Variants in DNAH7 observed in about 807,000 individuals in gnomAD.
DNAH7 encodes the protein axonemal beta dynein heavy chain 7.
In DNAH7, 397 loss-of-function variants were observed where a neutral mutation model predicts 444.6. The ratio of observed to expected loss-of-function variants is 0.89; its 90% CI spans 0.82 to 0.97. The LOEUF (loss-of-function observed/expected upper bound fraction) is 0.97. Among genes scored for constraint, DNAH7 ranks in the 50% least tolerant of loss-of-function variants. DNAH7 has a pLI of 0.00. For missense variants in DNAH7, 4,902 were observed against 4,800.8 expected (o/e 1.02, Z -0.62); for synonymous variants, 1,636 against 1,624.4 (o/e 1.01, Z -0.17).
intron 36 of DNAH7, 56 bp from the exon 37 acceptor site, chr2:195,876,755 G>A (rs748094918): frequency 6.5e-6 from 8 of 1,223,028 alleles, no homozygotes; most frequent in South Asian, 1.3e-5. Context: ...TGACATTTCA[G>A]AATAAACACT....
chr2:195,755,982 T>C, intron 62 of DNAH7, 151 bp downstream of exon 62: 1 of 731,878 alleles, frequency 1.4e-6, no homozygotes, highest in Non-Finnish European at 2.1e-6. Flanking sequence ...GTGTAGCAGT[T>C]ACATACATTA....
chr2:195,852,245 G>A (rs1266594480), intron 46 of DNAH7, among the ~76,000 whole-genome samples: 1 of 151,832 alleles, frequency 6.6e-6, no homozygotes, highest in Admixed American at 6.6e-5. Flanking sequence ...GCGACAGAGG[G>A]AGGCTCCTTC....
At chr2:195,802,298 G>A (rs1574462606) in intron 54 of DNAH7, among the ~76,000 whole-genome samples, 1 of 152,136 alleles carries the variant, frequency 6.6e-6, no homozygotes, top group Non-Finnish European at 1.5e-5. Flanking sequence ...ATCACCTGAG[G>A]GCAGGAGTTC....
At chr2:195,826,413 CA>C (rs1338751533) in intron 48 of DNAH7, among the ~76,000 whole-genome samples, 1 of 152,062 alleles carries the variant, frequency 6.6e-6, no homozygotes, top group Non-Finnish European at 1.5e-5. Flanking sequence ...GACAGGCAAT[CA>C]AAATAAATCA....
At position 196,024,442 on chromosome 2, in the gene DNAH7, C is replaced by A. The variant is rs762248628; in HGVS notation, c.730G>T (p.Ala244Ser). ...GDDKKTDELP[A>S]HRAEMEILPK... Reference sequence around the variant, plus strand: ...CTGATCACTTACTCAGCACGATGGGCTGGAAGTTCATCTGTCTTCTTATCA... The same window carrying A: ...CTGATCACTTACTCAGCACGATGGGATGGAAGTTCATCTGTCTTCTTATCA... Residue 244 changes from alanine to serine, a missense_variant, in exon 8 of 65, where the codon GCC (alanine) becomes TCC (serine). Ala to Ser is a moderately conservative substitution (Grantham distance 99). Transcript: ENST00000312428. 1 of 1,585,156 alleles carries A rather than the reference C, an allele frequency of 6.3e-7. No homozygotes were observed. The highest frequency in any genetic ancestry group is 2.3e-5 in the East Asian group (1 of 43,486).
intron 18 of DNAH7, among the ~76,000 whole-genome samples, chr2:195,959,158 G>A (rs1235429094): frequency 1.3e-5 from 2 of 152,068 alleles, no homozygotes; most frequent in East Asian, 3.8e-4. Context: ...CATTTAAGTG[G>A]TGCTCTGTGA....
intron 5 of DNAH7, among the ~76,000 whole-genome samples, chr2:196,044,208 T>A (rs1173895997): frequency 3.3e-5 from 5 of 150,640 alleles, no homozygotes; most frequent in Admixed American, 6.6e-5. Context: ...TATATATGTG[T>A]GTGTGTGTGT....
intron 45 of DNAH7, among the ~76,000 whole-genome samples, chr2:195,855,445 TA>T (rs1488143106): frequency 4.6e-5 from 7 of 152,150 alleles, no homozygotes. Context: ...GAAAAATGAT[TA>T]AATAATCTAG....
chr2:195,864,123 T>G, intron 41 of DNAH7, 26 bp downstream of exon 41: 1 of 1,593,690 alleles, frequency 6.3e-7, no homozygotes, highest in Non-Finnish European at 8.6e-7. Context: ...TTTCTAGAAG[T>G]CTATCTAAAA....
chr2:195,751,032 CTTATA>C (rs1252116705), intron 63 of DNAH7, among the ~76,000 whole-genome samples: 2 of 151,968 alleles, frequency 1.3e-5, no homozygotes, highest in East Asian at 3.9e-4. Flanking sequence ...TTTGTTAAAG[CTTATA>C]TTATTAAGGA....
intron 24 of DNAH7, among the ~76,000 whole-genome samples, chr2:195,917,090 A>G (rs1487951539): frequency 1.5e-5 from 2 of 134,762 alleles, no homozygotes; most frequent in African/African-American, 3.0e-5. Flanking sequence ...CAACAGAGTG[A>G]GACTCCACCT....
intron 40 of DNAH7, among the ~76,000 whole-genome samples, chr2:195,871,787 C>T (rs1420348659): frequency 2.3e-5 from 2 of 85,466 alleles, no homozygotes; most frequent in African/African-American, 1.4e-4. Flanking sequence ...AAAAATTAGC[C>T]GGGCGTAGTG....
intron 29 of DNAH7, among the ~76,000 whole-genome samples, chr2:195,896,142 A>G (rs1702302321): frequency 6.6e-6 from 1 of 152,210 alleles, no homozygotes; most frequent in Admixed American, 6.5e-5. Context: ...ACTGTTTTCT[A>G]AAGTGGTTGT....
intron 51 of DNAH7, among the ~76,000 whole-genome samples, chr2:195,812,409 A>C (rs1055112149): frequency 1.3e-5 from 2 of 152,140 alleles, no homozygotes; most frequent in African/African-American, 4.8e-5. Flanking sequence ...ATACATGCAT[A>C]TTTGTACAGC....
At chr2:195,878,693 C>G (rs763863447) in intron 36 of DNAH7, among the ~76,000 whole-genome samples, 1 of 152,160 alleles carries the variant, frequency 6.6e-6, no homozygotes, top group Admixed American at 6.5e-5. Context: ...CATCTAAAAA[C>G]AGAACTAAAT....
At chr2:196,039,731 G>A (rs954886037) in intron 5 of DNAH7, among the ~76,000 whole-genome samples, 1 of 151,424 alleles carries the variant, frequency 6.6e-6, no homozygotes, top group African/African-American at 2.4e-5. Context: ...CCCAGGAGGT[G>A]GAGGTTGGAG....
At chr2:195,783,406 C>G (rs1317065044) in intron 58 of DNAH7, among the ~76,000 whole-genome samples, 1 of 152,180 alleles carries the variant, frequency 6.6e-6, no homozygotes, top group East Asian at 1.9e-4. Flanking sequence ...CACTCTCTCT[C>G]AAGCCTCTGT....
chr2:195,841,832 T>G (rs893976254), intron 47 of DNAH7, among the ~76,000 whole-genome samples: 2 of 151,984 alleles, frequency 1.3e-5, no homozygotes, highest in African/African-American at 4.8e-5. Context: ...GTTTTGACAG[T>G]GTGTATTCTT....
chr2:195,872,019 T>C (rs1415771854), intron 40 of DNAH7, among the ~76,000 whole-genome samples: 4 of 142,118 alleles, frequency 2.8e-5, no homozygotes, highest in Non-Finnish European at 6.1e-5. Context: ...AAATATTCTA[T>C]AAATCAACAG....
Sources: gnomAD v4.1 joint callset for allele counts (sites outside exome capture counted in the v4.1 genomes callset) on GRCh38, gnomAD v4.1.1 for gene constraint, MANE v1.5 for transcripts, NCBI Gene and HGNC (gene_info 2026-07-23, HGNC 2026-07-21) for gene names.